Variants in ADGRL2 observed in about 807,000 individuals in gnomAD.
The protein encoded by ADGRL2 is calcium-independent alpha-latrotoxin receptor 2.
In ADGRL2, 44 loss-of-function variants were observed where a neutral mutation model predicts 157.4. The ratio of observed to expected loss-of-function variants is 0.28; its 90% confidence interval spans 0.22 to 0.36. ADGRL2 has a LOEUF of 0.36. Ranked by LOEUF, ADGRL2 falls within the 10% of genes least tolerant of loss-of-function variation. ADGRL2 has a pLI of 1.00. For synonymous variants in ADGRL2, 585 were observed against 624.7 expected, an observed-to-expected ratio of 0.94 and a Z score of 0.95; for missense variants, 1,510 against 1,768.9, an observed-to-expected ratio of 0.85 and a Z score of 2.63.
chr1:81,486,537 T>A (rs888274955), intron 2 of ADGRL2, among the ~76,000 whole-genome samples: 2 of 152,028 alleles, frequency 1.3e-5, no homozygotes, highest in African/African-American at 4.8e-5. Flanking sequence ...TACATGTTGA[T>A]AAAACTTGAA....
chr1:81,673,691 A>AT (rs1193654417), intron 3 of ADGRL2, among the ~76,000 whole-genome samples: 4 of 151,254 alleles, frequency 2.6e-5, no homozygotes, highest in Admixed American at 6.6e-5. Context: ...ATTTTTTTGT[A>AT]TTTTTTTAGT....
intron 2 of ADGRL2, chr1:81,505,075 G>A (rs2078942261): frequency 9.4e-6 from 4 of 423,288 alleles, no homozygotes; most frequent in East Asian, 4.2e-5. Flanking sequence ...CTCGCACTCA[G>A]TCCTGTGTAG....
chr1:81,626,977 C>T (rs984010521), intron 3 of ADGRL2, among the ~76,000 whole-genome samples: 10 of 152,214 alleles, frequency 6.6e-5, no homozygotes, highest in African/African-American at 2.2e-4. Context: ...AGGGGCTAGA[C>T]ATGCTCTTTT....
chr1:81,723,579 A>T (rs77924235), intron 1 of ADGRL2, among the ~76,000 whole-genome samples: 13,025 of 152,254 alleles, frequency 0.086, 590 homozygotes, highest in Non-Finnish European at 0.097. Flanking sequence ...GAGGCAAACT[A>T]AACTCATTTG....
rs1553162913 is a variant in ADGRL2 at position 81,415,850 on chromosome 1, T to TTTG, written c.-301-29184_-301-29183insGTT. Among the ~76,000 whole-genome samples the TTTG allele has an allele frequency of 4.4e-4, 67 of 151,448 alleles. 1 individual carries two copies. Among genetic ancestry groups the TTTG allele is most frequent in the Non-Finnish European group, 1.2e-4 (8 of 67,778 alleles). ...GAACAGTATCTCCTTTTCCTTTTTT[T>TTTG]TTTTTTTTGAGACGGAGTCTTGCTC... On this transcript the variant is annotated intron_variant, in intron 1 of 24. Coordinates refer to the ADGRL2 transcript ENST00000370721.
intron 1 of ADGRL2, among the ~76,000 whole-genome samples, chr1:81,713,901 G>A (rs2084020047): frequency 6.6e-6 from 1 of 152,114 alleles, no homozygotes. Context: ...GGAGACTGGG[G>A]AATTTATAAA....
rs183975305 is a variant in ADGRL2 at position 81,674,800 on chromosome 1, G to A, written c.-142-87011G>A. 2.2e-3 allele frequency among the ~76,000 whole-genome samples: 337 copies of A among 152,242 alleles called. 1 individual carries two copies. The highest frequency in any genetic ancestry group is 3.5e-3 in the Non-Finnish European group (241 of 68,008). On this transcript the variant is annotated intron_variant, in intron 3 of 24. Coordinates refer to the ADGRL2 transcript ENST00000370721. ...AAATTGGCACTACAGGCACATTGTA[G>A]AATAAGGGAATATTTGAAAAGAGAG...
intron 3 of ADGRL2, among the ~76,000 whole-genome samples, chr1:81,657,000 A>G (rs532789754): frequency 8.5e-6 from 1 of 117,066 alleles, no homozygotes; most frequent in East Asian, 2.7e-4. Context: ...ATGGAGTGAG[A>G]CCCTGTCTCA....
intron 2 of ADGRL2, among the ~76,000 whole-genome samples, chr1:81,547,439 G>A (rs2080045195): frequency 6.6e-6 from 1 of 152,074 alleles, no homozygotes; most frequent in Non-Finnish European, 1.5e-5. Flanking sequence ...GTGAAAACTG[G>A]AGAAGCTGGA....
intron 1 of ADGRL2, among the ~76,000 whole-genome samples, chr1:81,378,177 CAAA>C (rs71088208): frequency 0.58 from 84,946 of 146,188 alleles, 24,903 homozygotes; most frequent in East Asian, 0.94. Flanking sequence ...GACTCTGTCT[CAAA>C]AAAAAAAAAA....
intron 3 of ADGRL2, among the ~76,000 whole-genome samples, chr1:81,601,328 C>G (rs1054184686): frequency 3.9e-5 from 6 of 152,090 alleles, no homozygotes; most frequent in Non-Finnish European, 8.8e-5. Context: ...AGTGTTTCTT[C>G]TACAGGACAG....
At chr1:81,926,728 A>G (rs989053065) in intron 3 of ADGRL2, among the ~76,000 whole-genome samples, 1 of 152,006 alleles carries the variant, frequency 6.6e-6, no homozygotes, top group Non-Finnish European at 1.5e-5. Flanking sequence ...GTTAGACCTG[A>G]TGACCCTGTG....
Position 81,950,177 on chromosome 1 carries a change from T to A in ADGRL2, c.1211-12T>A, listed in dbSNP as rs1473292915. The A allele has an allele frequency of 1.2e-6, 2 of 1,611,166 alleles. No individual in the cohort carries two copies. Among genetic ancestry groups the A allele is most frequent in the Non-Finnish European group, 1.7e-6 (2 of 1,177,882 alleles). ...TGTGTTTGAGATTAATATACTCATC[T>A]TTTTTCCATAGTGCCTACCACAGCT... On this transcript the variant is annotated splice_polypyrimidine_tract_variant and intron_variant, in intron 6 of 23. Coordinates refer to ENST00000686636, the MANE Select transcript of ADGRL2 (RefSeq NM_001366006.2).
chr1:81,496,779 G>T (rs943466749), intron 2 of ADGRL2, among the ~76,000 whole-genome samples: 11 of 152,168 alleles, frequency 7.2e-5, no homozygotes, highest in African/African-American at 2.7e-4. Flanking sequence ...TGTTCATCAG[G>T]AGGCAAGCAA....
chr1:81,518,331 A>G (rs1187930485), intron 2 of ADGRL2, among the ~76,000 whole-genome samples: 5 of 152,188 alleles, frequency 3.3e-5, no homozygotes, highest in Admixed American at 6.5e-5. Flanking sequence ...GCAAAACTCT[A>G]TATTAATACA....
chr1:81,905,297 A>T (rs1218081838), intron 2 of ADGRL2, among the ~76,000 whole-genome samples: 5 of 152,018 alleles, frequency 3.3e-5, no homozygotes, highest in Non-Finnish European at 7.4e-5. Flanking sequence ...GGGTTTCACC[A>T]TGTTAGCCAG....
chr1:81,378,387 C>G lies in ADGRL2; in HGVS notation c.-301-66649C>G, dbSNP rs368485582. Among the ~76,000 whole-genome samples, 74 of 151,602 alleles carry G rather than the reference C, an allele frequency of 4.9e-4. No homozygotes were observed. The South Asian group carries it at 6.9e-3, about 14-fold the overall frequency. On this transcript the variant is annotated intron_variant, in intron 1 of 24. Coordinates refer to the ADGRL2 transcript ENST00000370721. ...GCAACATAACTAGACCGTATCTCTA[C>G]AAAAAATTAAAATATAAAAAATAAT...
At chr1:81,441,879 G>T (rs966101837) in intron 1 of ADGRL2, among the ~76,000 whole-genome samples, 2 of 151,920 alleles carry the variant, frequency 1.3e-5, no homozygotes, top group African/African-American at 4.8e-5. Context: ...TCACTGTGCT[G>T]CCCAGGCTGG....
chr1:81,393,978 G>A (rs1488325352), intron 1 of ADGRL2, among the ~76,000 whole-genome samples: 3 of 150,664 alleles, frequency 2.0e-5, no homozygotes, highest in African/African-American at 4.9e-5. Flanking sequence ...CACCTTTCAG[G>A]GAAAATATAA....
Sources: gnomAD v4.1 joint callset for allele counts (sites outside exome capture counted in the v4.1 genomes callset) on GRCh38, gnomAD v4.1.1 for gene constraint, MANE v1.5 for transcripts, NCBI Gene and HGNC (gene_info 2026-07-23, HGNC 2026-07-21) for gene names.